TAS1R2: variants seen among roughly 807,000 people sequenced by gnomAD.
TAS1R2 encodes taste 1 receptor member 2.
TAS1R2 carries 47 observed loss-of-function variants against 49.3 expected under a neutral mutation model. The ratio of observed to expected loss-of-function variants is 0.95; its 90% CI spans 0.75 to 1.22. The LOEUF (loss-of-function observed/expected upper bound fraction) is 1.22. Ranked by LOEUF, TAS1R2 falls within the 50% of genes most tolerant of loss-of-function variation. The pLI, the probability that TAS1R2 is intolerant of heterozygous loss-of-function variation, is 0.00. For synonymous variants in TAS1R2, 479 were observed against 467.9 expected, an observed-to-expected ratio of 1.02 and a Z score of -0.31; for missense variants, 1,155 against 1,122.1, an observed-to-expected ratio of 1.03 and a Z score of -0.42.
rs546599258 is a variant in TAS1R2 at position 18,855,388 on chromosome 1, C to T, written c.484-402G>A. Among the ~76,000 whole-genome samples the T allele has an allele frequency of 7.2e-5, 11 of 152,298 alleles. No individual in the cohort carries two copies. The South Asian group carries it at 2.3e-3, about 32-fold the overall frequency. On this transcript the variant is annotated intron_variant, in intron 2 of 5. Transcript: ENST00000375371. ...TAAGCACAGCGCTTTCCTCCTCCCC[C>T]TCATCACCGTCAGGCTCATCAACTA...
Position 18,840,326 on chromosome 1 carries a change from G to A in TAS1R2, c.1793C>T (p.Ser598Leu), listed in dbSNP as rs769808801. The change falls in exon 6 of 6, where the codon TCG becomes TTG. Residue 598 changes from serine to leucine, a missense_variant. Ser to Leu is a moderately radical substitution (Grantham distance 145). Transcript: ENST00000375371. The stretch of plus-strand genomic sequence containing the variant: ...CAGGAAGCACATGGGGCCCCCAGCC[G>A]AGCGAACTATGGGTGTCTGGAAGTG... 9 of 1,613,964 alleles carry A rather than the reference G, an allele frequency of 5.6e-6. No homozygotes were observed. Among genetic ancestry groups the A allele is most frequent in the African/African-American group, 5.3e-5 (4 of 74,934 alleles).
intron 2 of TAS1R2, among the ~76,000 whole-genome samples, chr1:18,856,131 G>T (rs1378683508): frequency 1.3e-5 from 2 of 152,086 alleles, no homozygotes; most frequent in East Asian, 3.9e-4. Flanking sequence ...GGCCCCTAAG[G>T]GCTCCGTCAT....
intron 2 of TAS1R2, among the ~76,000 whole-genome samples, 157 bp from the exon 3 acceptor site, chr1:18,855,143 T>C (rs1017370760): frequency 6.6e-6 from 1 of 152,128 alleles, no homozygotes; most frequent in Non-Finnish European, 1.5e-5. Context: ...GGTCCCCAGG[T>C]AGCCCCATGC....
chr1:18,849,558 G>A lies in TAS1R2; in HGVS notation c.1258-8C>T. The A allele has an allele frequency of 8.7e-6, 14 of 1,613,892 alleles. No individual in the cohort carries two copies. The highest frequency in any genetic ancestry group is 2.2e-5 in the East Asian group (1 of 44,874). ...CCAGATCTCCTCAAGCAGCTGGCGG[G>A]GTCAGAGGGAAGGGAAGTGGAGCTA... On this transcript the variant is annotated splice_polypyrimidine_tract_variant and splice_region_variant and intron_variant, in intron 3 of 5. Coordinates refer to ENST00000375371, the Ensembl canonical transcript of TAS1R2.
Position 18,852,769 on chromosome 1 carries a change from T to A in TAS1R2, c.1257+1444A>T, listed in dbSNP as rs553897131. On this transcript the variant is annotated intron_variant, in intron 3 of 5. Transcript: ENST00000375371. The stretch of plus-strand genomic sequence containing the variant: ...TCCTCCTGGAAGGTCCAGTGCCTGT[T>A]CACTCCCTACTTCAGTCCTGCCTTC... Among the ~76,000 whole-genome samples the A allele has an allele frequency of 2.0e-5, 3 of 152,334 alleles. No homozygotes were observed. In the East Asian group the frequency reaches 5.8e-4, roughly 29 times the overall value.
Position 18,840,040 on chromosome 1 carries a change from CA to C in TAS1R2, c.2078del (p.Val693GlyfsTer2). 1 of 1,614,206 alleles carries C rather than the reference CA, an allele frequency of 6.2e-7. No individual in the cohort carries two copies. Among genetic ancestry groups the C allele is most frequent in the African/African-American group, 1.3e-5 (1 of 75,040 alleles). On this transcript the variant is annotated frameshift_variant, in exon 6 of 6. Coordinates refer to ENST00000375371, the Ensembl canonical transcript of TAS1R2. LOFTEE classifies it low-confidence loss of function (END_TRUNC). ...GGCCCGTGGCCAGCATGCCAATTAC[CA>C]CAATGACCATTTTGAGTACCGTGAT...
chr1:18,840,473 G>T (rs1479959674), exon 6 of TAS1R2: 1 of 1,614,170 alleles, frequency 6.2e-7, no homozygotes, highest in Admixed American at 1.7e-5. Context: ...GAAGCAGGAG[G>T]TCTCACTCTG....
chr1:18,846,544 A>C (rs1260196074), intron 4 of TAS1R2, among the ~76,000 whole-genome samples: 5 of 152,236 alleles, frequency 3.3e-5, no homozygotes, highest in African/African-American at 1.2e-4. Flanking sequence ...AAGACAGTAT[A>C]TGGGCTGAAC....
intron 5 of TAS1R2, 114 bp downstream of exon 5, chr1:18,841,615 C>G: frequency 2.1e-6 from 3 of 1,438,244 alleles, no homozygotes; most frequent in South Asian, 2.9e-5. Flanking sequence ...GACACTCACA[C>G]CCCCTGTGGG....
At chr1:18,855,036 GC>G (rs779439291) in intron 2 of TAS1R2, 50 bp from the exon 3 acceptor site, 2 of 1,570,576 alleles carry the variant, frequency 1.3e-6, no homozygotes, top group South Asian at 2.4e-5. Flanking sequence ...TGGGTGCTCT[GC>G]CCCCACCCCA....
exon 4 of TAS1R2, chr1:18,849,452 C>G: frequency 6.2e-7 from 1 of 1,614,246 alleles, no homozygotes; most frequent in Non-Finnish European, 8.5e-7. Context: ...CCCATTGCCA[C>G]TGGACAATCT....
chr1:18,851,606 G>A (rs1309072960), intron 3 of TAS1R2, among the ~76,000 whole-genome samples: 1 of 152,120 alleles, frequency 6.6e-6, no homozygotes, highest in African/African-American at 2.4e-5. Context: ...TGGGATTACA[G>A]GTGTGAGCCA....
At chr1:18,845,945 A>G (rs1460516740) in intron 4 of TAS1R2, among the ~76,000 whole-genome samples, 1 of 152,230 alleles carries the variant, frequency 6.6e-6, no homozygotes, top group Non-Finnish European at 1.5e-5. Context: ...AACTTTGGGT[A>G]GTGGCTAAGT....
intron 4 of TAS1R2, among the ~76,000 whole-genome samples, chr1:18,843,284 G>A (rs2100508278): frequency 6.6e-6 from 1 of 152,314 alleles, no homozygotes; most frequent in Non-Finnish European, 1.5e-5. Flanking sequence ...TAAGACCTAT[G>A]AATGCCAGAG....
chr1:18,849,397 G>A, exon 4 of TAS1R2: 1 of 1,614,194 alleles, frequency 6.2e-7, no homozygotes, highest in Non-Finnish European at 8.5e-7. Context: ...TGTCGCTGCA[G>A]GGGGTAGTAG....
At chr1:18,850,414 C>T (rs4076838) in intron 3 of TAS1R2, among the ~76,000 whole-genome samples, 75,580 of 152,214 alleles carry the variant, frequency 0.5, 20,168 homozygotes, top group Non-Finnish European at 0.6. Context: ...CCAAGGGAGT[C>T]GGGCCCTGGC....
intron 4 of TAS1R2, among the ~76,000 whole-genome samples, chr1:18,848,798 C>T (rs559838869): frequency 6.6e-6 from 1 of 152,298 alleles, no homozygotes; most frequent in Admixed American, 6.5e-5. Context: ...CTCCCATCAC[C>T]CCCAGATGGG....
In TAS1R2 at chr1:18,854,726, G is replaced by A. The variant is rs1934103762; in HGVS notation, c.744C>T (p.Asn248=). ...GGCGCTGGCGCTCCTCTGACGTCAT[G>A]TTCTGGTTGGGCTGCAGTGTGGGCA... The change falls in exon 3 of 6, where the codon AAC becomes AAT. Residue 248 remains asparagine (N), a synonymous_variant. Coordinates refer to ENST00000375371, the Ensembl canonical transcript of TAS1R2. The surrounding 1 kb of genome is among the most constrained non-coding windows in gnomAD (Gnocchi z 4.9). 1.9e-6 allele frequency: 3 copies of A among 1,612,810 alleles called. No individual in the cohort carries two copies. In the East Asian group the frequency reaches 6.7e-5, roughly 36 times the overall value.
At chr1:18,853,657 A>G (rs1934071533) in intron 3 of TAS1R2, among the ~76,000 whole-genome samples, 1 of 152,156 alleles carries the variant, frequency 6.6e-6, no homozygotes, top group South Asian at 2.1e-4. Flanking sequence ...CCATTTAAGA[A>G]CAGAGATCTC....
Sources: allele counts gnomAD v4.1 joint callset (sites outside exome capture counted in the v4.1 genomes callset), GRCh38; gene constraint gnomAD v4.1.1; non-coding constraint Gnocchi (gnomAD v3.1); transcripts MANE v1.5; gene names NCBI Gene and HGNC (gene_info 2026-07-23, HGNC 2026-07-21).